The following MCF2L2 variants were observed in gnomAD, a reference collection of about 807,000 sequenced individuals.
MCF2L2 encodes MCF.2 cell line derived transforming sequence-like 2.
Under a neutral mutation model 150.2 loss-of-function variants are expected in MCF2L2, and 102 were observed. The ratio of observed to expected loss-of-function variants is 0.68; its 90% CI spans 0.58 to 0.80. The LOEUF (loss-of-function observed/expected upper bound fraction) is 0.80. MCF2L2 is among the 30% of genes least tolerant of loss of function. The pLI is 0.00. For synonymous variants in MCF2L2, 465 were observed against 491.3 expected (o/e 0.95, Z 0.71); for missense variants, 1,256 against 1,372.8 (o/e 0.91, Z 1.34).
intron 6 of MCF2L2, among the ~76,000 whole-genome samples, chr3:183,320,727 A>T (rs551690035): frequency 1.3e-5 from 2 of 152,304 alleles, no homozygotes; most frequent in East Asian, 3.9e-4. Context: ...TATTCACTGG[A>T]GTAGCATTTT....
At chr3:183,398,396 G>A (rs968497292) in intron 1 of MCF2L2, among the ~76,000 whole-genome samples, 1 of 152,208 alleles carries the variant, frequency 6.6e-6, no homozygotes, top group Non-Finnish European at 1.5e-5. Context: ...AAAACACTGA[G>A]AGAAGACAGC....
At chr3:183,229,929 T>C in intron 16 of MCF2L2, 148 bp from the exon 17 acceptor site, 1 of 430,462 alleles carries the variant, frequency 2.3e-6, no homozygotes. Flanking sequence ...GAGTACTTTC[T>C]TTTGATATCA....
At chr3:183,358,427 G>T (rs1420230826) in intron 3 of MCF2L2, among the ~76,000 whole-genome samples, 2 of 152,104 alleles carry the variant, frequency 1.3e-5, no homozygotes, top group African/African-American at 4.8e-5. Flanking sequence ...GAACAGAAAT[G>T]AACAAAAAAT....
chr3:183,298,826 T>C (rs1212113005), intron 11 of MCF2L2: 2 of 147,306 alleles, frequency 1.4e-5, no homozygotes, highest in African/African-American at 5.1e-5. Context: ...AAAAATGGAG[T>C]TGGGAAAACA....
At chr3:183,393,485 G>A (rs1447793931) in intron 1 of MCF2L2, among the ~76,000 whole-genome samples, 2 of 152,026 alleles carry the variant, frequency 1.3e-5, no homozygotes, top group African/African-American at 2.4e-5. Flanking sequence ...GAGCCATTGC[G>A]CCTGGCAGAA....
chr3:183,406,013 C>T (rs941470689), intron 1 of MCF2L2, among the ~76,000 whole-genome samples: 2 of 152,114 alleles, frequency 1.3e-5, no homozygotes, highest in Non-Finnish European at 2.9e-5. Context: ...ACCACCACAC[C>T]TGGCCCTGCT....
At chr3:183,400,561 A>G in intron 1 of MCF2L2, 1 of 438,694 alleles carries the variant, frequency 2.3e-6, no homozygotes, top group Non-Finnish European at 4.6e-6. Flanking sequence ...TCACACAGAA[A>G]TGTTCAATCC....
At chr3:183,279,399 G>A (rs369985481) in intron 14 of MCF2L2, among the ~76,000 whole-genome samples, 11 of 152,228 alleles carry the variant, frequency 7.2e-5, no homozygotes, top group African/African-American at 2.6e-4. Context: ...ATTGACCATA[G>A]ACTAACTCAG....
intron 3 of MCF2L2, among the ~76,000 whole-genome samples, chr3:183,370,974 T>C (rs1408685112): frequency 1.3e-5 from 2 of 152,076 alleles, no homozygotes; most frequent in African/African-American, 4.8e-5. Flanking sequence ...ACAAGTACAC[T>C]CTGTACTCGT....
intron 3 of MCF2L2, among the ~76,000 whole-genome samples, chr3:183,370,597 T>A (rs985470723): frequency 6.6e-6 from 1 of 152,172 alleles, no homozygotes; most frequent in Non-Finnish European, 1.5e-5. Context: ...GGCAGAACAG[T>A]GAGGAGGTAT....
intron 15 of MCF2L2, among the ~76,000 whole-genome samples, chr3:183,251,032 C>G (rs6803156): frequency 0.17 from 25,799 of 152,166 alleles, 6,709 homozygotes; most frequent in African/African-American, 0.56. Flanking sequence ...GAGAAGTTTG[C>G]TAACTTGCCA....
chr3:183,206,947 A>AAGGGAGGGAGGGAGGG (rs1491334749), intron 23 of MCF2L2, among the ~76,000 whole-genome samples: 5 of 50,728 alleles, frequency 9.9e-5, no homozygotes, highest in African/African-American at 2.8e-4. Flanking sequence ...GGAAGGAAGG[A>AAGGGAGGGAGGGAGGG]AGGAAGGAAG....
chr3:183,411,764 T>C lies in MCF2L2; in HGVS notation c.76+16138A>G, dbSNP rs369977283. On this transcript the variant is annotated intron_variant, in intron 1 of 29. Coordinates refer to ENST00000328913, the MANE Select transcript of MCF2L2 (RefSeq NM_015078.4). ...AGAGGTCCTTGCCTTAGTTGGTTCCTGGATAACAAATGATAGGAAGCATTT... is the reference window on the plus strand; with the variant it reads ...AGAGGTCCTTGCCTTAGTTGGTTCCCGGATAACAAATGATAGGAAGCATTT... 2.2e-4 allele frequency among the ~76,000 whole-genome samples: 34 copies of C among 152,290 alleles called. No individual in the cohort carries two copies. In the South Asian group the frequency reaches 6.8e-3, roughly 31 times the overall value.
intron 15 of MCF2L2, among the ~76,000 whole-genome samples, chr3:183,233,819 T>C (rs1723675778): frequency 6.6e-6 from 1 of 152,218 alleles, no homozygotes. Context: ...AAATGAATGT[T>C]ACTGGAGGTA....
chr3:183,326,430 T>A (rs1357202121), intron 5 of MCF2L2, among the ~76,000 whole-genome samples: 2 of 131,412 alleles, frequency 1.5e-5, no homozygotes, highest in Non-Finnish European at 1.5e-5. Context: ...AGGCGGAGGT[T>A]GCAGTGGGCC....
intron 15 of MCF2L2, among the ~76,000 whole-genome samples, chr3:183,276,181 G>A (rs1189083706): frequency 6.6e-6 from 1 of 152,208 alleles, no homozygotes; most frequent in Non-Finnish European, 1.5e-5. Context: ...TACACCGTAA[G>A]TGAAAGAATA....
chr3:183,417,718 C>T (rs1208787511), intron 1 of MCF2L2, among the ~76,000 whole-genome samples: 1 of 152,130 alleles, frequency 6.6e-6, no homozygotes, highest in South Asian at 2.1e-4. Flanking sequence ...TTTCACACTG[C>T]TATAAAGATA....
At chr3:183,193,357 C>CTTTCTTT (rs1553880360) in intron 26 of MCF2L2, among the ~76,000 whole-genome samples, 10 of 139,498 alleles carry the variant, frequency 7.2e-5, no homozygotes, top group South Asian at 2.2e-4. Flanking sequence ...CTTTTTCTTT[C>CTTTCTTT]TTTTTTTTTT....
At chr3:183,207,890 G>A (rs1267110737) in intron 22 of MCF2L2, 67 bp from the exon 23 acceptor site, 14 of 1,231,180 alleles carry the variant, frequency 1.1e-5, no homozygotes, top group Non-Finnish European at 1.5e-5. Flanking sequence ...AGCCTTTGTG[G>A]CCTGTTTTCA....
Sources: allele counts gnomAD v4.1 joint callset (sites outside exome capture counted in the v4.1 genomes callset), GRCh38; gene constraint gnomAD v4.1.1; transcripts MANE v1.5; gene names NCBI Gene and HGNC (gene_info 2026-07-23, HGNC 2026-07-21).